AOPEP: variants seen among roughly 807,000 people sequenced by gnomAD.
The protein encoded by AOPEP is aminopeptidase O (putative).
Under a neutral mutation model 98.1 loss-of-function variants are expected in AOPEP, and 77 were observed. That is an observed-to-expected ratio of 0.78 (90% CI 0.65 to 0.95). AOPEP has a LOEUF of 0.95. Among genes scored for constraint, AOPEP ranks in the 40% least tolerant of loss-of-function variants. The pLI is 0.00. For missense variants in AOPEP, 1,024 were observed against 1,024.7 expected (o/e 1.00, Z 0.01); for synonymous variants, 346 against 365.3 (o/e 0.95, Z 0.60).
At chr9:94,758,626 GA>G (rs1837574244) in intron 1 of AOPEP, among the ~76,000 whole-genome samples, 1 of 152,138 alleles carries the variant, frequency 6.6e-6, no homozygotes, top group African/African-American at 2.4e-5. Context: ...CTGATATTTA[GA>G]AATACGAAAA....
the AOPEP span, among the ~76,000 whole-genome samples, chr9:95,142,909 C>T: frequency 6.6e-6 from 1 of 152,120 alleles, no homozygotes; most frequent in African/African-American, 2.4e-5. Context: ...TCTCTAGACA[C>T]CAACTGGGTG....
chr9:95,041,164 T>C (rs72750394), intron 13 of AOPEP, among the ~76,000 whole-genome samples: 476 of 152,310 alleles, frequency 3.1e-3, no homozygotes, highest in Non-Finnish European at 5.4e-3. Context: ...TTGTCAGGCT[T>C]CTCAAACCAA....
At chr9:95,068,964 GCTTT>G (rs1306000942) in intron 14 of AOPEP, among the ~76,000 whole-genome samples, 12 of 152,210 alleles carry the variant, frequency 7.9e-5, no homozygotes, top group Non-Finnish European at 1.5e-4. Context: ...TTCTCAAGGA[GCTTT>G]CTATGACTGC....
intron 13 of AOPEP, chr9:95,021,622 C>T (rs1272549941): frequency 2.0e-5 from 3 of 152,216 alleles, no homozygotes; most frequent in Non-Finnish European, 4.4e-5. Context: ...TGCATACAAG[C>T]ATGCACATGT....
At chr9:94,918,628 G>A (rs1330993416) in intron 5 of AOPEP, among the ~76,000 whole-genome samples, 7 of 152,166 alleles carry the variant, frequency 4.6e-5, no homozygotes, top group Admixed American at 3.3e-4. Context: ...TAGTCAGTCT[G>A]CCTCTCTGTA....
At chr9:94,913,649 G>A (rs1465285650) in intron 5 of AOPEP, among the ~76,000 whole-genome samples, 4 of 152,136 alleles carry the variant, frequency 2.6e-5, no homozygotes, top group Non-Finnish European at 4.4e-5. Context: ...CCACTAAGAC[G>A]GTCTCTGACC....
At chr9:95,005,030 G>C (rs2061872802) in intron 11 of AOPEP, 128 bp from the exon 12 acceptor site, 3 of 272,918 alleles carry the variant, frequency 1.1e-5, no homozygotes, top group Non-Finnish European at 1.7e-5. Context: ...CGCGGGCTCC[G>C]GCGCCGCCGC....
chr9:94,948,856 C>T (rs1186180745), intron 7 of AOPEP, among the ~76,000 whole-genome samples: 4 of 152,220 alleles, frequency 2.6e-5, no homozygotes, highest in Admixed American at 2.0e-4. Context: ...CCCAACTTCA[C>T]CTCCAAAGCC....
intron 3 of AOPEP, among the ~76,000 whole-genome samples, chr9:94,784,823 GC>G (rs1844050010): frequency 1.3e-5 from 2 of 152,188 alleles, no homozygotes; most frequent in Non-Finnish European, 2.9e-5. Flanking sequence ...ACCCATGTTG[GC>G]CAGGCTGGTC....
intron 5 of AOPEP, among the ~76,000 whole-genome samples, chr9:94,853,375 A>G (rs924247380): frequency 6.6e-6 from 1 of 152,056 alleles, no homozygotes; most frequent in Non-Finnish European, 1.5e-5. Context: ...CAGAAGAATT[A>G]CTTGAACCTG....
rs536924187 is a variant in AOPEP, at chr9:94,873,288, C to T, written c.1365-50698C>T. ...ACCTCCCAGATAAAATACTTGAATG[C>T]TTTCCCCAAGCTTCTATTTTTACTT... is the stretch of plus-strand genomic sequence containing the variant. On this transcript the variant is annotated intron_variant, in intron 5 of 16. Coordinates refer to ENST00000375315, the MANE Select transcript of AOPEP (RefSeq NM_001193329.3). Among the ~76,000 whole-genome samples, 8 of 152,306 alleles carry T rather than the reference C, an allele frequency of 5.3e-5. No homozygotes were observed. In the East Asian group the frequency reaches 1.5e-3, roughly 29 times the overall value.
intron 7 of AOPEP, among the ~76,000 whole-genome samples, chr9:94,949,915 T>C (rs1361368455): frequency 6.6e-6 from 1 of 152,230 alleles, no homozygotes; most frequent in Non-Finnish European, 1.5e-5. Context: ...AGTAGGACTT[T>C]ATGTGGCTCT....
At chr9:94,753,097 C>A (rs1214831601) in intron 1 of AOPEP, among the ~76,000 whole-genome samples, 4 of 152,154 alleles carry the variant, frequency 2.6e-5, no homozygotes, top group Admixed American at 2.0e-4. Flanking sequence ...TAGACAGATT[C>A]ATAAGATGTA....
At chr9:94,841,361 A>G (rs1339330734) in intron 5 of AOPEP, among the ~76,000 whole-genome samples, 1 of 151,994 alleles carries the variant, frequency 6.6e-6, no homozygotes. Context: ...TTTAGTAGAG[A>G]TGGGGTTTCA....
Position 94,760,237 on chromosome 9 carries a change from T to A in AOPEP, c.454T>A (p.Ser152Thr). The A allele has an allele frequency of 6.2e-7, 1 of 1,614,172 alleles. No individual in the cohort carries two copies. The highest frequency in any genetic ancestry group is 8.5e-7 in the Non-Finnish European group (1 of 1,180,024). Residue 152 changes from serine to threonine, a missense_variant, in exon 2 of 17, where the codon TCT becomes ACT. By Grantham distance (58) the Ser-to-Thr change is moderately conservative. This residue lies in a region of AOPEP where 440 missense variants were observed against 433.8 expected (regional missense o/e 1.01). Coordinates refer to ENST00000375315, the MANE Select transcript of AOPEP (RefSeq NM_001193329.3). ...FLLVLDCCDL[S>T]VLKVEEVDVA... ...GCTAGTGTTGGACTGCTGTGATTTA[T>A]CTGTGTTAAAAGTCGAGGAGGTGGA...
At chr9:95,049,391 C>A (rs1301834323) in intron 13 of AOPEP, among the ~76,000 whole-genome samples, 1 of 152,036 alleles carries the variant, frequency 6.6e-6, no homozygotes, top group Non-Finnish European at 1.5e-5. Flanking sequence ...ATAAGAAAAA[C>A]AATTAAAAGC....
intron 16 of AOPEP, chr9:95,085,261 T>G (rs1228738494): frequency 2.0e-6 from 1 of 490,674 alleles, no homozygotes; most frequent in Non-Finnish European, 4.3e-6. Flanking sequence ...GACTTAAGAT[T>G]AAAATCACAT....
chr9:94,978,874 G>A (rs1157645186), intron 10 of AOPEP, among the ~76,000 whole-genome samples: 1 of 151,944 alleles, frequency 6.6e-6, no homozygotes, highest in Non-Finnish European at 1.5e-5. Context: ...CAGTGGAAGT[G>A]GTCCTCATTC....
At chr9:95,113,337 G>A in the AOPEP span, among the ~76,000 whole-genome samples, 3 of 152,180 alleles carry the variant, frequency 2.0e-5, no homozygotes. Context: ...AGTGGCAAAA[G>A]GAACAAATAA....
Sources: allele counts gnomAD v4.1 joint callset (sites outside exome capture counted in the v4.1 genomes callset), GRCh38; gene constraint gnomAD v4.1.1; regional missense constraint gnomAD v4.1.1; transcripts MANE v1.5; gene names NCBI Gene and HGNC (gene_info 2026-07-23, HGNC 2026-07-21).